Variants in ARFIP1 observed in about 807,000 individuals in gnomAD.
ARFIP1 encodes arfaptin-1.
In ARFIP1, 24 loss-of-function variants were observed where a neutral mutation model predicts 42.5. The ratio of observed to expected loss-of-function variants is 0.57; its 90% CI spans 0.41 to 0.80. ARFIP1 has a LOEUF of 0.80. ARFIP1 is among the 30% of genes least tolerant of loss of function. The pLI, the probability that ARFIP1 is intolerant of heterozygous loss-of-function variation, is 0.00. For missense variants in ARFIP1, 354 were observed against 434.0 expected (o/e 0.82, Z 1.64); for synonymous variants, 141 against 153.7 (o/e 0.92, Z 0.61).
At chr4:152,820,061 C>G (rs946130134) in intron 1 of ARFIP1, among the ~76,000 whole-genome samples, 2 of 152,082 alleles carry the variant, frequency 1.3e-5, no homozygotes, top group Admixed American at 1.3e-4. Context: ...AGCTGGAACA[C>G]TGGGTCAAGA....
At chr4:152,864,880 C>G (rs1381029807) in intron 3 of ARFIP1, among the ~76,000 whole-genome samples, 1 of 129,408 alleles carries the variant, frequency 7.7e-6, no homozygotes, top group African/African-American at 2.9e-5. Flanking sequence ...TGGCTCCTTT[C>G]TTAATGCTTT....
intron 1 of ARFIP1, among the ~76,000 whole-genome samples, chr4:152,785,606 G>A (rs1449365311): frequency 6.6e-6 from 1 of 152,190 alleles, no homozygotes; most frequent in African/African-American, 2.4e-5. Context: ...TCCAGCATAA[G>A]TATTATAAAT....
intron 2 of ARFIP1, among the ~76,000 whole-genome samples, chr4:152,847,496 A>G (rs1732659302): frequency 6.6e-6 from 1 of 151,994 alleles, no homozygotes; most frequent in Admixed American, 6.6e-5. Context: ...TCTTAGTATT[A>G]TCTCAGTTTT....
intron 8 of ARFIP1, among the ~76,000 whole-genome samples, chr4:152,898,699 C>CA (rs1447157088): frequency 6.6e-6 from 1 of 152,062 alleles, no homozygotes; most frequent in African/African-American, 2.4e-5. Flanking sequence ...AGTGTGGGCT[C>CA]AAAGTACCTG....
intron 7 of ARFIP1, among the ~76,000 whole-genome samples, chr4:152,884,809 G>C (rs1736134606): frequency 6.6e-6 from 1 of 151,984 alleles, no homozygotes. Context: ...TTATACCTGA[G>C]TATTAGTGCC....
rs1027019708 is a variant in ARFIP1 at position 152,829,596 on chromosome 4, A to T, written c.-9-29A>T. 3 of 1,487,870 alleles carry T rather than the reference A, an allele frequency of 2.0e-6. No homozygotes were observed. In the African/African-American group the frequency reaches 4.2e-5, roughly 21 times the overall value. 92.2% of individuals were successfully genotyped at this position (1,487,870 alleles called of 1,614,324 possible). ...TAGTCTTTATGATTTGGTATTAGTT[A>T]CGGCGCTTTTTTTCTTCTTTTGTTT... On this transcript the variant is annotated intron_variant, in intron 1 of 8. Coordinates refer to ENST00000353617, the MANE Select transcript of ARFIP1 (RefSeq NM_001025595.3).
chr4:152,803,026 GGGA>G (rs1373890628), intron 1 of ARFIP1, among the ~76,000 whole-genome samples: 9 of 152,142 alleles, frequency 5.9e-5, no homozygotes, highest in African/African-American at 1.7e-4. Flanking sequence ...TGAATTGTCA[GGGA>G]GGAGAATTAC....
chr4:152,863,487 A>G, intron 2 of ARFIP1, 119 bp from the exon 3 acceptor site: 1 of 575,772 alleles, frequency 1.7e-6, no homozygotes, highest in Non-Finnish European at 3.1e-6. Context: ...ATAAGGGAAT[A>G]CCGCATAGCA....
intron 1 of ARFIP1, among the ~76,000 whole-genome samples, chr4:152,807,976 A>C (rs1729116721): frequency 6.6e-6 from 1 of 151,756 alleles, no homozygotes; most frequent in South Asian, 2.1e-4. Flanking sequence ...ATGTCTGTGA[A>C]GTTTTTTCCA....
chr4:152,788,047 GA>G (rs759398659), intron 1 of ARFIP1, among the ~76,000 whole-genome samples: 6 of 152,100 alleles, frequency 3.9e-5, no homozygotes, highest in Non-Finnish European at 7.3e-5. Context: ...CCAACATGGT[GA>G]AACCCTGTCT....
rs375739250 is a variant in ARFIP1 at position 152,882,743 on chromosome 4, C to T, written c.654C>T (p.Ala218=). The T allele has an allele frequency of 1.7e-5, 28 of 1,613,142 alleles. No individual in the cohort carries two copies. Among genetic ancestry groups the T allele is most frequent in the East Asian group, 8.9e-5 (4 of 44,844 alleles). The change falls in exon 7 of 9, where the codon GCC becomes GCT. Residue 218 remains alanine (A), a synonymous_variant. Coordinates refer to ENST00000353617, the MANE Select transcript of ARFIP1 (RefSeq NM_001025595.3). ...TTTAGGAAGAATTTGGCTATAATGCCGATACCCAGAAACTGCTGGCTAAAA... is the reference window on the plus strand; with the variant it reads ...TTTAGGAAGAATTTGGCTATAATGCTGATACCCAGAAACTGCTGGCTAAAA... The part of the protein sequence containing the change: ...LELHEEFGYN[A]DTQKLLAKNG...
At chr4:152,843,786 A>T (rs1478231371) in intron 2 of ARFIP1, among the ~76,000 whole-genome samples, 1 of 152,150 alleles carries the variant, frequency 6.6e-6, no homozygotes, top group Non-Finnish European at 1.5e-5. Flanking sequence ...AACAGCCCTG[A>T]GTCTGTTTCA....
intron 1 of ARFIP1, among the ~76,000 whole-genome samples, chr4:152,818,186 A>C (rs966030642): frequency 6.6e-6 from 1 of 152,268 alleles, no homozygotes; most frequent in Non-Finnish European, 1.5e-5. Flanking sequence ...GAAGCAACAT[A>C]GGAACTTAAC....
At chr4:152,847,333 A>C (rs1732638692) in intron 2 of ARFIP1, among the ~76,000 whole-genome samples, 2 of 151,028 alleles carry the variant, frequency 1.3e-5, no homozygotes, top group Non-Finnish European at 3.0e-5. Context: ...GGGTTTCGCC[A>C]TGTTGGCCAG....
chr4:152,896,221 G>C (rs1457360106), intron 8 of ARFIP1, among the ~76,000 whole-genome samples: 1 of 152,118 alleles, frequency 6.6e-6, no homozygotes, highest in Non-Finnish European at 1.5e-5. Context: ...AGCATAATGG[G>C]AACAGGGGAG....
chr4:152,792,396 C>T (rs1022158836), intron 1 of ARFIP1, among the ~76,000 whole-genome samples: 3 of 150,604 alleles, frequency 2.0e-5, no homozygotes, highest in Non-Finnish European at 4.4e-5. Context: ...GCTTTAGATT[C>T]TATATTTAGT....
chr4:152,833,839 AAACAG>A (rs1372157649), intron 2 of ARFIP1, among the ~76,000 whole-genome samples: 1 of 152,214 alleles, frequency 6.6e-6, no homozygotes, highest in East Asian at 1.9e-4. Context: ...GAATTCATAG[AAACAG>A]ATAGTAGATA....
At chr4:152,864,133 G>C (rs982287143) in intron 3 of ARFIP1, among the ~76,000 whole-genome samples, 1 of 152,080 alleles carries the variant, frequency 6.6e-6, no homozygotes, top group East Asian at 1.9e-4. Flanking sequence ...CTCATTAAAA[G>C]TTTGTATTTT....
chr4:152,854,913 A>C (rs1485516341), intron 2 of ARFIP1, among the ~76,000 whole-genome samples: 5 of 152,214 alleles, frequency 3.3e-5, no homozygotes, highest in Non-Finnish European at 7.3e-5. Flanking sequence ...TAATGGGTCC[A>C]GGCGAGTGGA....
Sources: gnomAD v4.1 joint callset for allele counts (sites outside exome capture counted in the v4.1 genomes callset) on GRCh38, gnomAD v4.1.1 for gene constraint, MANE v1.5 for transcripts, NCBI Gene and HGNC (gene_info 2026-07-23, HGNC 2026-07-21) for gene names.